AP2B1: variants seen among roughly 807,000 people sequenced by gnomAD.
AP2B1 encodes adaptor related protein complex 2 subunit beta 1, also known as AP-2 complex subunit beta.
AP2B1 carries 23 observed loss-of-function variants against 102.0 expected under a neutral mutation model. That is an observed-to-expected ratio of 0.23 (90% CI 0.16 to 0.32). AP2B1 has a LOEUF of 0.32. AP2B1 is among the 10% of genes least tolerant of loss of function. The pLI, the probability that AP2B1 is intolerant of heterozygous loss-of-function variation, is 1.00. For synonymous variants in AP2B1, 381 were observed against 421.2 expected, an observed-to-expected ratio of 0.90 and a Z score of 1.17; for missense variants, 541 against 1,157.4, an observed-to-expected ratio of 0.47 and a Z score of 7.73.
intron 10 of AP2B1, among the ~76,000 whole-genome samples, chr17:35,637,993 T>C (rs1273267507): frequency 1.3e-5 from 2 of 151,868 alleles, no homozygotes; most frequent in African/African-American, 4.8e-5. Context: ...GCCTAAACTT[T>C]TTTTAATTAA....
intron 13 of AP2B1, among the ~76,000 whole-genome samples, chr17:35,654,567 C>G (rs1003735500): frequency 2.0e-5 from 3 of 152,036 alleles, no homozygotes; most frequent in African/African-American, 4.8e-5. Context: ...TCTCTTCACC[C>G]GTAAGTACTG....
At chr17:35,686,926 G>A (rs1247504062) in intron 18 of AP2B1, among the ~76,000 whole-genome samples, 3 of 152,286 alleles carry the variant, frequency 2.0e-5, no homozygotes, top group African/African-American at 4.8e-5. Context: ...GCAGTGAGCT[G>A]AGATCGCGCC....
intron 1 of AP2B1, 150 bp from the exon 2 acceptor site, chr17:35,593,858 T>G: frequency 2.0e-6 from 1 of 491,550 alleles, no homozygotes; most frequent in East Asian, 3.5e-5. Flanking sequence ...TCTTGAACCA[T>G]CAACGGTGGT....
intron 9 of AP2B1, among the ~76,000 whole-genome samples, chr17:35,631,652 T>C (rs949658133): frequency 2.0e-5 from 3 of 152,170 alleles, no homozygotes. Flanking sequence ...TTTATAGACA[T>C]AACGTGATTA....
chr17:35,649,482 A>G (rs1481981789), intron 12 of AP2B1, among the ~76,000 whole-genome samples: 1 of 152,068 alleles, frequency 6.6e-6, no homozygotes, highest in East Asian at 1.9e-4. Flanking sequence ...GTTAGCCAGG[A>G]TGGTCCCAAT....
chr17:35,692,064 T>G (rs2076052637), intron 18 of AP2B1, among the ~76,000 whole-genome samples: 2 of 152,212 alleles, frequency 1.3e-5, no homozygotes, highest in Admixed American at 1.3e-4. Flanking sequence ...CTGGGATCTT[T>G]TAGCAGTATA....
chr17:35,688,604 CCTGGACTGACT>C lies in AP2B1; in HGVS notation c.2454+5784_2454+5794del, dbSNP rs2075982279. On this transcript the variant is annotated intron_variant, in intron 18 of 21. Transcript: ENST00000610402. ...GTCTTGCTATTTGGATGTTGATTCTCCTGGACTGACTCTGTTTTCCCCTCCTATTTTCCATC... is the reference window on the plus strand; with the variant it reads ...GTCTTGCTATTTGGATGTTGATTCTCCTGTTTTCCCCTCCTATTTTCCATC... 3.9e-5 allele frequency among the ~76,000 whole-genome samples: 6 copies of C among 152,290 alleles called. No homozygotes were observed. In the South Asian group the frequency reaches 1.2e-3, roughly 32 times the overall value.
intron 21 of AP2B1, among the ~76,000 whole-genome samples, chr17:35,722,266 G>A (rs138146835): frequency 1.1e-4 from 17 of 152,230 alleles, no homozygotes; most frequent in Non-Finnish European, 2.5e-4. Context: ...GCTTCAATAG[G>A]GAGTTTGAAA....
In AP2B1 at chr17:35,718,128, T is replaced by TA. The variant is rs1289475695; in HGVS notation, c.2781+779_2781+780insA. On this transcript the variant is annotated intron_variant, in intron 21 of 21. Transcript: ENST00000610402. Reference sequence around the variant, plus strand: ...GGGATCTATTTATTTCTGAGGAAGCTGAATAGTCAGTAGCTTAAGGGAGCC... The same window carrying TA: ...GGGATCTATTTATTTCTGAGGAAGCTAGAATAGTCAGTAGCTTAAGGGAGCC... 2.0e-5 allele frequency among the ~76,000 whole-genome samples: 3 copies of TA among 152,340 alleles called. No individual in the cohort carries two copies. In the South Asian group the frequency reaches 6.2e-4, roughly 32 times the overall value.
At chr17:35,639,343 AAAAAC>A (rs1228280370) in intron 10 of AP2B1, among the ~76,000 whole-genome samples, 1 of 152,196 alleles carries the variant, frequency 6.6e-6, no homozygotes, top group Non-Finnish European at 1.5e-5. Flanking sequence ...CCCTGTCTCA[AAAAAC>A]AAAACAAAAG....
chr17:35,660,776 G>A (rs1257406453), intron 14 of AP2B1, among the ~76,000 whole-genome samples: 8 of 152,154 alleles, frequency 5.3e-5, no homozygotes, highest in East Asian at 1.9e-4. Flanking sequence ...GAGCCACCAC[G>A]CCTGGCCCTT....
intron 2 of AP2B1, among the ~76,000 whole-genome samples, chr17:35,595,664 G>A (rs1567765245): frequency 6.6e-6 from 1 of 152,130 alleles, no homozygotes; most frequent in East Asian, 1.9e-4. Context: ...GGAGGAGGGA[G>A]AAAATATAGG....
At position 35,665,970 on chromosome 17, in the gene AP2B1, T is replaced by A. The variant is rs867035217; in HGVS notation, c.1990-4887T>A. Among the ~76,000 whole-genome samples, 3 of 152,238 alleles carry A rather than the reference T, an allele frequency of 2.0e-5. No homozygotes were observed. The South Asian group carries it at 6.2e-4, about 32-fold the overall frequency. On this transcript the variant is annotated intron_variant, in intron 14 of 21. Transcript: ENST00000610402. Reference sequence around the variant, plus strand: ...TCAGATGATATTCCTTTATAAAATTTAAAAATTCCTTTTCAAATTTTCTTT... The same window carrying A: ...TCAGATGATATTCCTTTATAAAATTAAAAAATTCCTTTTCAAATTTTCTTT...
intron 18 of AP2B1, among the ~76,000 whole-genome samples, chr17:35,692,335 G>A (rs1172129669): frequency 6.6e-6 from 1 of 152,078 alleles, no homozygotes; most frequent in Non-Finnish European, 1.5e-5. Flanking sequence ...AAATTCACAG[G>A]CATCTTTTTA....
At chr17:35,620,458 C>A (rs985223916) in intron 5 of AP2B1, among the ~76,000 whole-genome samples, 12 of 152,086 alleles carry the variant, frequency 7.9e-5, no homozygotes, top group African/African-American at 2.2e-4. Context: ...AACCAACCAA[C>A]CAAACAAACC....
Position 35,641,212 on chromosome 17 carries a change from T to C in AP2B1, c.1438-665T>C, listed in dbSNP as rs549220111. 3.9e-5 allele frequency among the ~76,000 whole-genome samples: 6 copies of C among 152,194 alleles called. No individual in the cohort carries two copies. In the South Asian group the frequency reaches 8.3e-4, roughly 21 times the overall value. ...ATTCCCCCCAAATTGTAGCTTTTGG[T>C]AGAAGTAAATAATGAAAGACTTGCT... On this transcript the variant is annotated intron_variant, in intron 11 of 21. Coordinates refer to ENST00000610402, the MANE Select transcript of AP2B1 (RefSeq NM_001030006.2).
chr17:35,650,862 T>G, intron 13 of AP2B1, 73 bp downstream of exon 13: 1 of 1,518,202 alleles, frequency 6.6e-7, no homozygotes, highest in South Asian at 1.3e-5. Context: ...TTTATGCTTT[T>G]ATAGTCTGGA....
At chr17:35,664,522 T>G (rs147705892) in intron 14 of AP2B1, among the ~76,000 whole-genome samples, 1 of 152,234 alleles carries the variant, frequency 6.6e-6, no homozygotes, top group Non-Finnish European at 1.5e-5. Context: ...CTTTTGTCCT[T>G]TTGGTGATAA....
At chr17:35,684,007 T>C (rs945222999) in intron 18 of AP2B1, among the ~76,000 whole-genome samples, 3 of 152,256 alleles carry the variant, frequency 2.0e-5, no homozygotes, top group Admixed American at 2.0e-4. Flanking sequence ...ACACTACTTA[T>C]GTAGGTGTAG....
Sources: gnomAD v4.1 joint callset for allele counts (sites outside exome capture counted in the v4.1 genomes callset) on GRCh38, gnomAD v4.1.1 for gene constraint, MANE v1.5 for transcripts, NCBI Gene and HGNC (gene_info 2026-07-23, HGNC 2026-07-21) for gene names.